Variants in IGFBP1 observed in about 807,000 individuals in gnomAD.
IGFBP1 encodes insulin like growth factor binding protein 1.
IGFBP1 carries 31 observed loss-of-function variants against 23.1 expected under a neutral mutation model. That is an observed-to-expected ratio of 1.34 (90% CI 1.01 to 1.81). IGFBP1 has a LOEUF of 1.81. Among genes scored for constraint, IGFBP1 ranks in the 40% most tolerant of loss-of-function variants. The pLI, the probability that IGFBP1 is intolerant of heterozygous loss-of-function variation, is 0.00. For synonymous variants in IGFBP1, 148 were observed against 145.5 expected (o/e 1.02, Z -0.13); for missense variants, 333 against 342.2 (o/e 0.97, Z 0.21).
chr7:45,892,107 G>A (rs1562573727), intron 3 of IGFBP1, 47 bp downstream of exon 3: 1 of 1,597,860 alleles, frequency 6.3e-7, no homozygotes, highest in Non-Finnish European at 8.6e-7. Flanking sequence ...AGGGACTACT[G>A]CCCTACATTC....
intron 2 of IGFBP1, 83 bp downstream of exon 2, chr7:45,890,800 C>G: frequency 8.3e-7 from 1 of 1,205,174 alleles, no homozygotes. Context: ...ACCTGGCCCA[C>G]TCCTTCCTGG....
At position 45,888,767 on chromosome 7, in the gene IGFBP1, G is replaced by A. The variant is rs570379585; in HGVS notation, c.115G>A (p.Ala39Thr). 2 of 1,569,710 alleles carry A rather than the reference G, an allele frequency of 1.3e-6. No individual in the cohort carries two copies. Among genetic ancestry groups the A allele is most frequent in the East Asian group, 2.3e-5 (1 of 43,256 alleles). The part of the protein sequence containing the change: ...QCAPCSAEKL[A>T]LCPPVSASCS... ...CGCGCCCTGCTCCGCCGAGAAGCTC[G>A]CGCTCTGCCCGCCGGTGTCCGCCTC... The change falls in exon 1 of 4, where the codon GCG (alanine) becomes ACG (threonine). Residue 39 changes from alanine (A) to threonine (T), a missense_variant. By Grantham distance (58) the Ala-to-Thr change is moderately conservative. Transcript: ENST00000275525.
chr7:45,891,686 TGA>T (rs1169886735), intron 2 of IGFBP1, among the ~76,000 whole-genome samples: 1 of 152,068 alleles, frequency 6.6e-6, no homozygotes, highest in Non-Finnish European at 1.5e-5. Context: ...GTGCAGGTGT[TGA>T]GAGAGTGATT....
At chr7:45,889,025 C>A in intron 1 of IGFBP1, 24 bp downstream of exon 1, 1 of 1,476,140 alleles carries the variant, frequency 6.8e-7, no homozygotes, top group Non-Finnish European at 9.0e-7. Context: ...GCCCCTGCTC[C>A]AGCACCTCCT....
At position 45,888,847 on chromosome 7, in the gene IGFBP1, G is replaced by A. The variant is rs985623654; in HGVS notation, c.195G>A (p.Leu65=). 1 of 1,522,450 alleles carries A rather than the reference G, an allele frequency of 6.6e-7. No individual in the cohort carries two copies. Among genetic ancestry groups the A allele is most frequent in the East Asian group, 2.6e-5 (1 of 38,848 alleles). The allele number at this position is 1,522,450 out of a possible 1,614,324, so 94.3% of individuals were successfully genotyped here. A position where few individuals can be genotyped will look rare whatever the true frequency, so the allele number is the denominator to read the frequency against. ...GCGGCTGTTGCCCGATGTGCGCCCT[G>A]CCTCTGGGCGCCGCGTGCGGCGTGG... ...AGCGCCPMCA[L]PLGAACGVAT... Residue 65 remains leucine, a synonymous_variant, in exon 1 of 4, where the codon CTG becomes CTA. Transcript: ENST00000275525.
At chr7:45,890,028 T>C (rs1466149513) in intron 1 of IGFBP1, among the ~76,000 whole-genome samples, 1 of 152,134 alleles carries the variant, frequency 6.6e-6, no homozygotes, top group African/African-American at 2.4e-5. Context: ...AGAAGTCCAT[T>C]AGGACGTGGG....
chr7:45,892,848 T>C (rs1787100587), intron 3 of IGFBP1, 112 bp from the exon 4 acceptor site: 1 of 985,152 alleles, frequency 1.0e-6, no homozygotes, highest in African/African-American at 1.6e-5. Flanking sequence ...CAGCCGGGAC[T>C]CTTGGCTTGG....
Position 45,893,000 on chromosome 7 carries a change from G to GC in IGFBP1, c.690dup (p.Val231ArgfsTer26). 6.2e-7 allele frequency: 1 copy of GC among 1,613,188 alleles called. No individual in the cohort carries two copies. The highest frequency in any genetic ancestry group is 1.1e-5 in the South Asian group (1 of 91,038). ...GATGGAGAGGCGGGACTCTGCTGGT[G>GC]CGTCTACCCTTGGAATGGGAAGAGG... On this transcript the variant is annotated frameshift_variant, in exon 4 of 4. Coordinates refer to ENST00000275525, the MANE Select transcript of IGFBP1 (RefSeq NM_000596.4). LOFTEE classifies it low-confidence loss of function (END_TRUNC).
chr7:45,888,529 G>A lies in IGFBP1; in HGVS notation c.-124G>A. On this transcript the variant is annotated 5_prime_UTR_variant, in exon 1 of 4. Coordinates refer to ENST00000275525, the MANE Select transcript of IGFBP1 (RefSeq NM_000596.4). The stretch of plus-strand genomic sequence containing the variant: ...CCATCCAGCGAGCATCTGCCGCCGC[G>A]CCGCCGCCACCCTCCCAGAGAGCAC... 1.3e-6 allele frequency: 1 copy of A among 791,184 alleles called. No individual in the cohort carries two copies. The highest frequency in any genetic ancestry group is 2.0e-6 in the Non-Finnish European group (1 of 501,268). The allele number at this position is 791,184 out of a possible 1,614,324, so 49.0% of individuals were successfully genotyped here. A position where few individuals can be genotyped will look rare whatever the true frequency, so the allele number is the denominator to read the frequency against.
chr7:45,888,977 GA>G lies in IGFBP1; in HGVS notation c.326del (p.Asp109AlafsTer21). 1 of 1,519,476 alleles carries G rather than the reference GA, an allele frequency of 6.6e-7. No individual in the cohort carries two copies. Among genetic ancestry groups the G allele is most frequent in the Non-Finnish European group, 8.8e-7 (1 of 1,140,424 alleles). 94.1% of individuals were successfully genotyped at this position (1,519,476 alleles called of 1,614,324 possible). Reference protein sequence around the residue: ...RGQGACVQESDASAPHAAEAG... With the variant: ...RGQGACVQESXASAPHAAEAG... ...CCAAGGCGCCTGCGTGCAGGAGTCT[GA>G]CGCCTCCGCTCCCCATGCTGCAGGT... On this transcript the variant is annotated frameshift_variant, in exon 1 of 4. Coordinates refer to ENST00000275525, the MANE Select transcript of IGFBP1 (RefSeq NM_000596.4). LOFTEE classifies it high-confidence loss of function.
intron 3 of IGFBP1, among the ~76,000 whole-genome samples, chr7:45,892,746 A>G (rs1787098331): frequency 6.6e-6 from 1 of 152,226 alleles, no homozygotes; most frequent in African/African-American, 2.4e-5. Flanking sequence ...ATGGGAAGTC[A>G]TTATTGCACA....
intron 2 of IGFBP1, among the ~76,000 whole-genome samples, chr7:45,891,111 C>A (rs1787072983): frequency 6.6e-6 from 1 of 152,194 alleles, no homozygotes. Context: ...ACTGTTTTAA[C>A]TATTTTGAAG....
chr7:45,888,811 G>A lies in IGFBP1; in HGVS notation c.159G>A (p.Arg53=), dbSNP rs1172389436. The part of the protein sequence containing the change: ...PVSASCSEVT[R]SAGCGCCPMC... ...CCGCCTCGTGCTCGGAGGTCACCCG[G>A]TCCGCCGGCTGCGGCTGTTGCCCGA... Residue 53 remains arginine (R), a synonymous_variant, in exon 1 of 4, where the codon CGG becomes CGA. Coordinates refer to ENST00000275525, the MANE Select transcript of IGFBP1 (RefSeq NM_000596.4). The A allele has an allele frequency of 1.3e-6, 2 of 1,562,484 alleles. No homozygotes were observed. Among genetic ancestry groups the A allele is most frequent in the East Asian group, 2.4e-5 (1 of 42,450 alleles).
chr7:45,892,175 G>A lies in IGFBP1; in HGVS notation c.648+115G>A. The A allele has an allele frequency of 4.3e-6, 5 of 1,170,366 alleles. No homozygotes were observed. In the African/African-American group the frequency reaches 4.6e-5, roughly 11 times the overall value. 72.5% of individuals were successfully genotyped at this position (1,170,366 alleles called of 1,614,324 possible). On this transcript the variant is annotated intron_variant, in intron 3 of 3. Coordinates refer to ENST00000275525, the MANE Select transcript of IGFBP1 (RefSeq NM_000596.4). Reference sequence around the variant, plus strand: ...GTCCACTCCAAAGTAGACACCAGAAGTGGTTGTATTGAGCCAGATCCACCC... The same window carrying A: ...GTCCACTCCAAAGTAGACACCAGAAATGGTTGTATTGAGCCAGATCCACCC...
chr7:45,889,607 A>T (rs1787045070), intron 1 of IGFBP1, among the ~76,000 whole-genome samples: 1 of 152,232 alleles, frequency 6.6e-6, no homozygotes, highest in Admixed American at 6.5e-5. Context: ...TTTGATGTGT[A>T]TGTTGCCCCC....
chr7:45,889,140 A>G, intron 1 of IGFBP1, 139 bp downstream of exon 1: 1 of 651,598 alleles, frequency 1.5e-6, no homozygotes, highest in Non-Finnish European at 2.4e-6. Context: ...AAACCAGAGC[A>G]CGTAGTTGGG....
chr7:45,892,381 CCT>C (rs1187825404), intron 3 of IGFBP1, among the ~76,000 whole-genome samples: 2 of 152,208 alleles, frequency 1.3e-5, no homozygotes, highest in African/African-American at 4.8e-5. Context: ...ATCTTGGGTT[CCT>C]CACCTATACA....
intron 2 of IGFBP1, among the ~76,000 whole-genome samples, chr7:45,891,044 C>G (rs1373207572): frequency 6.6e-6 from 1 of 152,104 alleles, no homozygotes; most frequent in Non-Finnish European, 1.5e-5. Context: ...TGCTTTCACC[C>G]CCATTGTATG....
At position 45,892,209 on chromosome 7, in the gene IGFBP1, AC is replaced by A. The variant is rs1443260362; in HGVS notation, c.648+151del. ...TTGAGCCAGATCCACCCCTCTGGGA[AC>A]CTGGAACAGCTAGGTGAAGAAAGCC... On this transcript the variant is annotated intron_variant, in intron 3 of 3. Transcript: ENST00000275525. 9 of 793,126 alleles carry A rather than the reference AC, an allele frequency of 1.1e-5. No homozygotes were observed. In the East Asian group the frequency reaches 2.1e-4, roughly 19 times the overall value. 49.1% of individuals were successfully genotyped at this position (793,126 alleles called of 1,614,324 possible).
Sources: gnomAD v4.1 joint callset for allele counts (sites outside exome capture counted in the v4.1 genomes callset) on GRCh38, gnomAD v4.1.1 for gene constraint, MANE v1.5 for transcripts, NCBI Gene and HGNC (gene_info 2026-07-23, HGNC 2026-07-21) for gene names.